The following CTNNA3 variants were observed in gnomAD, a reference collection of about 807,000 sequenced individuals.
CTNNA3 encodes catenin alpha-3.
Under a neutral mutation model 95.7 loss-of-function variants are expected in CTNNA3, and 76 were observed. That is an observed-to-expected ratio of 0.79 (90% CI 0.66 to 0.96). CTNNA3 has a LOEUF of 0.96. Ranked by LOEUF, CTNNA3 falls within the 40% of genes least tolerant of loss-of-function variation. The pLI is 0.00. For synonymous variants in CTNNA3, 431 were observed against 374.4 expected, an observed-to-expected ratio of 1.15 and a Z score of -1.74; for missense variants, 1,191 against 1,089.8, an observed-to-expected ratio of 1.09 and a Z score of -1.31.
chr10:67,097,988 A>G (rs576149011), intron 7 of CTNNA3: 1 of 588,854 alleles, frequency 1.7e-6, no homozygotes, highest in Admixed American at 3.0e-5. Flanking sequence ...CTTTGTAATT[A>G]GCTAAGTTGT....
chr10:66,366,053 T>C (rs899798048), intron 12 of CTNNA3, among the ~76,000 whole-genome samples: 1 of 152,152 alleles, frequency 6.6e-6, no homozygotes, highest in African/African-American at 2.4e-5. Flanking sequence ...AAATGTTTGT[T>C]GTCTTAATTT....
intron 5 of CTNNA3, among the ~76,000 whole-genome samples, chr10:67,427,381 A>G (rs971665063): frequency 3.3e-5 from 5 of 152,036 alleles, no homozygotes; most frequent in African/African-American, 1.2e-4. Flanking sequence ...AGGGAGTACT[A>G]AAAAGTGTAA....
At chr10:66,409,666 T>C (rs894026094) in intron 11 of CTNNA3, among the ~76,000 whole-genome samples, 9 of 152,192 alleles carry the variant, frequency 5.9e-5, no homozygotes, top group African/African-American at 2.2e-4. Context: ...ATAGGTCACA[T>C]TGTCTTCTAG....
intron 11 of CTNNA3, among the ~76,000 whole-genome samples, chr10:66,454,673 T>C (rs1286024137): frequency 1.3e-5 from 2 of 152,004 alleles, no homozygotes; most frequent in Non-Finnish European, 2.9e-5. Context: ...ATGCCAACTC[T>C]ACAAAATCTC....
Position 67,613,360 on chromosome 10 carries a change from T to G in CTNNA3, c.100-6311A>C, listed in dbSNP as rs1371940311. ...CGTACTGTGAAAAATAAACAAACAG[T>G]GGTTTACTGGATGAAAAAAAAAAAA... On this transcript the variant is annotated intron_variant, in intron 2 of 17. Transcript: ENST00000433211. 2.0e-5 allele frequency among the ~76,000 whole-genome samples: 3 copies of G among 150,478 alleles called. 1 individual carries two copies. Among genetic ancestry groups the G allele is most frequent in the Admixed American group, 2.0e-4 (3 of 15,078 alleles).
At chr10:65,970,730 T>C (rs908734441) in intron 16 of CTNNA3, among the ~76,000 whole-genome samples, 1 of 148,248 alleles carries the variant, frequency 6.7e-6, no homozygotes, top group Non-Finnish European at 1.5e-5. Context: ...ATATAATATA[T>C]AATAGATAAA....
intron 15 of CTNNA3, 132 bp from the exon 16 acceptor site, chr10:65,988,929 A>T: frequency 1.6e-6 from 1 of 606,116 alleles, no homozygotes; most frequent in Non-Finnish European, 2.9e-6. Flanking sequence ...CATCCCAAAG[A>T]ACGGCTATTG....
In CTNNA3 at chr10:66,491,440, T is replaced by C. The variant is rs1839919450; in HGVS notation, c.1531+29177A>G. ...TTCTCCAGATGGAGTGGAAGAAGCC[T>C]ATGAACTTTTAACATATTTATTTAT... On this transcript the variant is annotated intron_variant, in intron 11 of 17. Coordinates refer to ENST00000433211, the MANE Select transcript of CTNNA3 (RefSeq NM_013266.4). 2.0e-5 allele frequency among the ~76,000 whole-genome samples: 3 copies of C among 152,206 alleles called. No individual in the cohort carries two copies. The South Asian group carries it at 6.2e-4, about 31-fold the overall frequency.
intron 12 of CTNNA3, among the ~76,000 whole-genome samples, chr10:66,366,035 G>A (rs946757602): frequency 6.6e-6 from 1 of 152,142 alleles, no homozygotes; most frequent in Admixed American, 6.6e-5. Context: ...CAGACATTAT[G>A]AGACAGTAAA....
In CTNNA3 at chr10:65,916,835, T is replaced by A. The variant is rs1317783849; in HGVS notation, c.*3495A>T. ...ATACCTAGCCCAGAGGTGGGTGAGATGAGAACACCCTCAAAATGAAGGTTC... is the reference window on the plus strand; with the variant it reads ...ATACCTAGCCCAGAGGTGGGTGAGAAGAGAACACCCTCAAAATGAAGGTTC... On this transcript the variant is annotated 3_prime_UTR_variant, in exon 18 of 18. Coordinates refer to ENST00000433211, the MANE Select transcript of CTNNA3 (RefSeq NM_013266.4). The A allele has an allele frequency of 6.6e-6, 1 of 152,126 alleles. No individual in the cohort carries two copies. Among genetic ancestry groups the A allele is most frequent in the Admixed American group, 6.6e-5 (1 of 15,254 alleles). The allele number at this position is 152,126 out of a possible 1,614,324, so 9.4% of individuals were successfully genotyped here.
At chr10:66,658,226 T>C (rs200299973) in intron 9 of CTNNA3, among the ~76,000 whole-genome samples, 2 of 148,782 alleles carry the variant, frequency 1.3e-5, no homozygotes, top group East Asian at 2.0e-4. Flanking sequence ...CTCTCTCTCT[T>C]TCTCTCTCTC....
At chr10:66,428,268 C>T (rs989180959) in intron 11 of CTNNA3, among the ~76,000 whole-genome samples, 2 of 152,206 alleles carry the variant, frequency 1.3e-5, no homozygotes, top group Non-Finnish European at 2.9e-5. Context: ...CCTTAGTGAC[C>T]TACAAAGAGA....
chr10:66,793,704 G>T (rs889843537), intron 7 of CTNNA3, among the ~76,000 whole-genome samples: 1 of 152,020 alleles, frequency 6.6e-6, no homozygotes, highest in African/African-American at 2.4e-5. Context: ...CTATGTATTT[G>T]AAATGTTTAT....
At chr10:67,525,719 G>A (rs1035077100) in intron 4 of CTNNA3, among the ~76,000 whole-genome samples, 1 of 152,116 alleles carries the variant, frequency 6.6e-6, no homozygotes, top group East Asian at 1.9e-4. Context: ...CACTGCCAAC[G>A]CCCTGGCTTC....
chr10:67,601,549 G>A (rs1003185790), intron 3 of CTNNA3, among the ~76,000 whole-genome samples: 1 of 152,098 alleles, frequency 6.6e-6, no homozygotes, highest in African/African-American at 2.4e-5. Flanking sequence ...CCAGGGTTGG[G>A]GACCCCTGGC....
In CTNNA3 at chr10:65,920,459, AGGAGCCTTC is replaced by A. The variant is rs765248471; in HGVS notation, c.2550_2558del (p.Met850_Pro853delinsIle). The A allele has an allele frequency of 6.2e-7, 1 of 1,614,042 alleles. No individual in the cohort carries two copies. The highest frequency in any genetic ancestry group is 1.1e-5 in the South Asian group (1 of 91,086). On this transcript the variant is annotated inframe_deletion, in exon 18 of 18. Coordinates refer to ENST00000433211, the MANE Select transcript of CTNNA3 (RefSeq NM_013266.4). ...CTCTTTTAATCAAGGGTTTTTTTGCAGGAGCCTTCATTCTCCACATCACAACTGGGTGCC... is the reference window on the plus strand; with the variant it reads ...CTCTTTTAATCAAGGGTTTTTTTGCAATTCTCCACATCACAACTGGGTGCC...
At chr10:67,164,737 T>C (rs899399695) in intron 7 of CTNNA3, among the ~76,000 whole-genome samples, 3 of 152,116 alleles carry the variant, frequency 2.0e-5, no homozygotes, top group Non-Finnish European at 2.9e-5. Context: ...AAAAACATGA[T>C]GAGTCATTTC....
intron 7 of CTNNA3, among the ~76,000 whole-genome samples, chr10:66,807,588 G>A (rs151017422): frequency 3.3e-5 from 5 of 152,236 alleles, no homozygotes; most frequent in African/African-American, 7.2e-5. Context: ...GAACCCACCC[G>A]TTGTGTGGGT....
intron 13 of CTNNA3, among the ~76,000 whole-genome samples, chr10:66,202,985 G>A (rs1226476252): frequency 6.6e-6 from 1 of 152,180 alleles, no homozygotes; most frequent in Non-Finnish European, 1.5e-5. Flanking sequence ...GACTAGAAAT[G>A]TAAATATAAG....
Sources: allele counts gnomAD v4.1 joint callset (sites outside exome capture counted in the v4.1 genomes callset), GRCh38; gene constraint gnomAD v4.1.1; transcripts MANE v1.5; gene names NCBI Gene and HGNC (gene_info 2026-07-23, HGNC 2026-07-21).